The following ERN2 variants were observed in gnomAD, a reference collection of about 807,000 sequenced individuals.
ERN2 encodes the protein serine/threonine-protein kinase/endoribonuclease IRE2.
In ERN2, 111 loss-of-function variants were observed where a neutral mutation model predicts 107.9. The observed-to-expected ratio is 1.03, with a 90% CI of 0.88 to 1.20. The LOEUF is 1.20. Ranked by LOEUF, ERN2 falls within the 50% of genes most tolerant of loss-of-function variation. The probability of loss-of-function intolerance (pLI) is 0.00; values close to 1 mark genes in which losing one functional copy is unlikely to be tolerated. For missense variants in ERN2, 1,225 were observed against 1,197.9 expected (o/e 1.02, Z -0.33); for synonymous variants, 524 against 501.7 (o/e 1.04, Z -0.59).
chr16:23,700,501 C>A, intron 13 of ERN2, 38 bp downstream of exon 13: 1 of 1,558,312 alleles, frequency 6.4e-7, no homozygotes, highest in South Asian at 1.2e-5. Flanking sequence ...TGGCTTTTCT[C>A]TGTTCCTGAC....
At chr16:23,699,284 C>T (rs568350622) in intron 13 of ERN2, among the ~76,000 whole-genome samples, 12 of 152,144 alleles carry the variant, frequency 7.9e-5, no homozygotes, top group East Asian at 1.9e-4. Context: ...CATAGACTTC[C>T]GCCTGAGAAG....
intron 1 of ERN2, 81 bp downstream of exon 1, chr16:23,713,014 C>T: frequency 8.9e-7 from 1 of 1,128,350 alleles, no homozygotes; most frequent in Non-Finnish European, 1.2e-6. Context: ...GGCCCCGCCG[C>T]GCCCTCGCCC....
At chr16:23,697,074 G>A (rs1388621894) in intron 13 of ERN2, 1 of 152,026 alleles carries the variant, frequency 6.6e-6, no homozygotes, top group Non-Finnish European at 1.5e-5. Context: ...GTAGGCTGAG[G>A]TGGGAGGATT....
Position 23,702,640 on chromosome 16 carries a change from G to T in ERN2, c.917C>A (p.Thr306Lys). 3.7e-6 allele frequency: 6 copies of T among 1,614,162 alleles called. No individual in the cohort carries two copies. Among genetic ancestry groups the T allele is most frequent in the Non-Finnish European group, 5.1e-6 (6 of 1,179,994 alleles). The stretch of plus-strand genomic sequence containing the variant: ...ACTTCTTACCACCAGGGCCACTCCT[G>T]TGTGGACCAGTGCTTTAGAGACATA... The part of the protein sequence containing the change: ...GFYVSKALVH[T>K]GVALVPRGLT... Residue 306 changes from threonine (T) to lysine (K), a missense_variant, in exon 9 of 22, where the codon ACA becomes AAA. Thr to Lys is a moderately conservative substitution (Grantham distance 78). Coordinates refer to ENST00000256797, the MANE Select transcript of ERN2 (RefSeq NM_033266.4).
At chr16:23,703,278 T>A (rs998387294) in intron 8 of ERN2, among the ~76,000 whole-genome samples, 1 of 152,126 alleles carries the variant, frequency 6.6e-6, no homozygotes, top group Admixed American at 6.6e-5. Context: ...GTCCTTTACT[T>A]CTTCCTCCTT....
At chr16:23,705,937 G>A (rs1039479393) in intron 7 of ERN2, among the ~76,000 whole-genome samples, 18 of 152,112 alleles carry the variant, frequency 1.2e-4, no homozygotes, top group Non-Finnish European at 1.9e-4. Flanking sequence ...GGGAGTGGTC[G>A]GGGTCACCTG....
rs202031658 is a variant in ERN2, at chr16:23,710,978, G to T, written c.134C>A (p.Thr45Asn). The T allele has an allele frequency of 1.2e-6, 2 of 1,614,108 alleles. No individual in the cohort carries two copies. Among genetic ancestry groups the T allele is most frequent in the Non-Finnish European group, 1.7e-6 (2 of 1,179,980 alleles). ...TAGTGCGTGGAGACTTCCATCCAAGGTGGACACCAGCAGGAGGTTCTCTGG... is the reference window on the plus strand; with the variant it reads ...TAGTGCGTGGAGACTTCCATCCAAGTTGGACACCAGCAGGAGGTTCTCTGG... ...LRPENLLLVS[T>N]LDGSLHALSK... is the part of the protein sequence containing the mutation. The change falls in exon 2 of 22, where the codon ACC becomes AAC. Residue 45 changes from threonine to asparagine, a missense_variant. Coordinates refer to ENST00000256797, the MANE Select transcript of ERN2 (RefSeq NM_033266.4).
chr16:23,702,540 A>G lies in ERN2; in HGVS notation c.934-3T>C. On this transcript the variant is annotated splice_region_variant and splice_polypyrimidine_tract_variant and intron_variant, in intron 9 of 21. Transcript: ENST00000256797. ...GGGGCCAGGGTCAGTCCACGAGGCT[A>G]TGGCAGAAGATGGAGAGCCATGAGT... is the stretch of plus-strand genomic sequence containing the variant. The G allele has an allele frequency of 1.2e-6, 2 of 1,613,964 alleles. No homozygotes were observed. The highest frequency in any genetic ancestry group is 1.1e-5 in the South Asian group (1 of 91,078).
chr16:23,700,286 A>C (rs943652896), intron 13 of ERN2, among the ~76,000 whole-genome samples: 11 of 152,268 alleles, frequency 7.2e-5, no homozygotes, highest in African/African-American at 2.6e-4. Flanking sequence ...GCAGTGAGCT[A>C]TGATTGTGCC....
rs1380075560 is a variant in ERN2, at chr16:23,700,989, C to CAGG, written c.1326_1328dup (p.Leu443dup). The CAGG allele has an allele frequency of 6.2e-7, 1 of 1,614,126 alleles. No individual in the cohort carries two copies. The highest frequency in any genetic ancestry group is 1.7e-5 in the Admixed American group (1 of 60,020). On this transcript the variant is annotated inframe_insertion, in exon 12 of 22. Coordinates refer to ENST00000256797, the MANE Select transcript of ERN2 (RefSeq NM_033266.4). ...TCATCACAAAGAGAATCCACCCTCCCAGGAGGACAGCAGTGAGGCTAGCTG... is the reference window on the plus strand; with the variant it reads ...TCATCACAAAGAGAATCCACCCTCCCAGGAGGAGGACAGCAGTGAGGCTAGCTG...
At chr16:23,704,781 C>T (rs890566654) in intron 8 of ERN2, 102 bp downstream of exon 8, 17 of 1,267,772 alleles carry the variant, frequency 1.3e-5, no homozygotes, top group African/African-American at 1.2e-4. Flanking sequence ...CCTGGTTCAG[C>T]GGTACTGGTG....
rs189658857 is a variant in ERN2 at position 23,690,801 on chromosome 16, G to A, written c.*30C>T. 22 of 1,580,384 alleles carry A rather than the reference G, an allele frequency of 1.4e-5. No homozygotes were observed. Among genetic ancestry groups the A allele is most frequent in the East Asian group, 1.1e-4 (5 of 44,676 alleles). On this transcript the variant is annotated 3_prime_UTR_variant, in exon 22 of 22. Coordinates refer to ENST00000256797, the MANE Select transcript of ERN2 (RefSeq NM_033266.4). ...GCTCAGCTCTTCAGTGAGCCAGCAC[G>A]GAGACCATCTGTGTGGCATCCAGCC...
rs1277476241 is a variant in ERN2 at position 23,690,868 on chromosome 16, T to C, written c.2744A>G (p.Glu915Gly). The C allele has an allele frequency of 6.2e-7, 1 of 1,613,602 alleles. No homozygotes were observed. Among genetic ancestry groups the C allele is most frequent in the Admixed American group, 1.7e-5 (1 of 60,024 alleles). ...GGCCCCAGGGCATGGCCTCCTGGCC[T>C]CTGAGTCTGGCGGGTAGTAGGGCAG... is the stretch of plus-strand genomic sequence containing the variant. ...LFLPYYPPDS[E>G]ARRPCPGATG... The change falls in exon 22 of 22, where the codon GAG (glutamate) becomes GGG (glycine). Residue 915 changes from glutamate to glycine, a missense_variant. Glu to Gly is a moderately conservative substitution (Grantham distance 98). Transcript: ENST00000256797.
At chr16:23,698,358 C>A (rs1274688511) in intron 13 of ERN2, among the ~76,000 whole-genome samples, 1 of 152,210 alleles carries the variant, frequency 6.6e-6, no homozygotes, top group Non-Finnish European at 1.5e-5. Context: ...TAATAACATT[C>A]ACCTCACAGG....
Position 23,700,669 on chromosome 16 carries a change from G to T in ERN2, c.1395C>A (p.Thr465=), listed in dbSNP as rs762360074. Residue 465 remains threonine, a synonymous_variant, in exon 13 of 22, where the codon ACC becomes ACA. Coordinates refer to ENST00000256797, the MANE Select transcript of ERN2 (RefSeq NM_033266.4). ...QPQVVEKQQE[T]PLAPADFAHI... ...GAGCAAAGTCTGCAGGTGCCAGGGGGGTCTCCTGCTGCTTCTCCACCACCT... is the reference window on the plus strand; with the variant it reads ...GAGCAAAGTCTGCAGGTGCCAGGGGTGTCTCCTGCTGCTTCTCCACCACCT... 5.0e-6 allele frequency: 8 copies of T among 1,613,756 alleles called. No homozygotes were observed. The highest frequency in any genetic ancestry group is 6.8e-6 in the Non-Finnish European group (8 of 1,179,858).
rs771806387 is a variant in ERN2 at position 23,691,039 on chromosome 16, T to G, written c.2573A>C (p.His858Pro). ...DLLRAVRNKKHHYRELPVEVR... is the reference protein window; with the variant it reads ...DLLRAVRNKKPHYRELPVEVR... ...CTCAACTGGGAGCTCCCTGTAGTGG[T>G]GCTTCTGTGGGTAGGTAGAGCAGAG... is the stretch of plus-strand genomic sequence containing the variant. Residue 858 changes from histidine (H) to proline (P), a missense_variant, in exon 22 of 22, where the codon CAC (histidine) becomes CCC (proline). Coordinates refer to ENST00000256797, the MANE Select transcript of ERN2 (RefSeq NM_033266.4). 10 of 1,614,044 alleles carry G rather than the reference T, an allele frequency of 6.2e-6. No individual in the cohort carries two copies. The highest frequency in any genetic ancestry group is 8.5e-6 in the Non-Finnish European group (10 of 1,180,024).
At chr16:23,693,255 C>G (rs1193903185) in intron 17 of ERN2, among the ~76,000 whole-genome samples, 1 of 151,782 alleles carries the variant, frequency 6.6e-6, no homozygotes, top group East Asian at 1.9e-4. Flanking sequence ...GATGGTATGA[C>G]TGCACTCCAT....
At chr16:23,700,843 G>A in intron 12 of ERN2, 116 bp downstream of exon 12, 1 of 1,464,476 alleles carries the variant, frequency 6.8e-7, no homozygotes, top group Non-Finnish European at 9.2e-7. Flanking sequence ...GAGCTGCTGG[G>A]AGGGAGGCAG....
chr16:23,711,634 A>G (rs774149157), intron 1 of ERN2, among the ~76,000 whole-genome samples: 2 of 152,130 alleles, frequency 1.3e-5, no homozygotes, highest in African/African-American at 2.4e-5. Flanking sequence ...TTGGGATTAC[A>G]AGCATGAGCC....
Sources: gnomAD v4.1 joint callset for allele counts (sites outside exome capture counted in the v4.1 genomes callset) on GRCh38, gnomAD v4.1.1 for gene constraint, MANE v1.5 for transcripts, NCBI Gene and HGNC (gene_info 2026-07-23, HGNC 2026-07-21) for gene names.